The following LHX4 variants were observed in gnomAD, a reference collection of about 807,000 sequenced individuals.
The protein encoded by LHX4 is LIM homeobox 4, also known as LIM/homeobox protein Lhx4.
LHX4 carries 16 observed loss-of-function variants against 39.2 expected under a neutral mutation model. The observed-to-expected ratio is 0.41, with a 90% CI of 0.28 to 0.62. LHX4 has a LOEUF of 0.62. Among genes scored for constraint, LHX4 ranks in the 20% least tolerant of loss-of-function variants. The probability of loss-of-function intolerance (pLI) is 0.33; values close to 1 mark genes in which losing one functional copy is unlikely to be tolerated. For missense variants in LHX4, 439 were observed against 511.9 expected, an observed-to-expected ratio of 0.86 and a Z score of 1.37; for synonymous variants, 206 against 198.1, an observed-to-expected ratio of 1.04 and a Z score of -0.33.
intron 1 of LHX4, among the ~76,000 whole-genome samples, chr1:180,235,245 G>A (rs1471067925): frequency 6.6e-6 from 1 of 152,246 alleles, no homozygotes; most frequent in Non-Finnish European, 1.5e-5. Flanking sequence ...GTTCGCGCCC[G>A]TTTTCGGAGC....
At chr1:180,239,025 T>C (rs1033021472) in intron 1 of LHX4, among the ~76,000 whole-genome samples, 2 of 152,232 alleles carry the variant, frequency 1.3e-5, no homozygotes, top group Non-Finnish European at 2.9e-5. Context: ...TACTTTGAAA[T>C]GGAAAGTTTT....
chr1:180,272,144 G>A lies in LHX4; in HGVS notation c.778+138G>A. On this transcript the variant is annotated intron_variant, in intron 5 of 5. Transcript: ENST00000263726. Reference sequence around the variant, plus strand: ...CACAGGCTTTTCCTTAAGACTTGCAGTGAAGGGTGGGGGAAATGGTAGTGG... The same window carrying A: ...CACAGGCTTTTCCTTAAGACTTGCAATGAAGGGTGGGGGAAATGGTAGTGG... The A allele has an allele frequency of 6.7e-6, 5 of 743,434 alleles. No individual in the cohort carries two copies. The South Asian group carries it at 9.7e-5, about 14-fold the overall frequency. 46.1% of individuals were successfully genotyped at this position (743,434 alleles called of 1,614,324 possible).
intron 1 of LHX4, among the ~76,000 whole-genome samples, chr1:180,238,040 T>C (rs1488546320): frequency 2.0e-5 from 3 of 152,250 alleles, no homozygotes; most frequent in Non-Finnish European, 4.4e-5. Flanking sequence ...GAATACTAAT[T>C]ACGTGACAAT....
intron 2 of LHX4, among the ~76,000 whole-genome samples, chr1:180,261,577 C>T (rs992314975): frequency 2.0e-5 from 3 of 152,122 alleles, no homozygotes; most frequent in East Asian, 1.9e-4. Flanking sequence ...ACTGAGAGTT[C>T]GAGTGCAGTG....
Position 180,248,333 on chromosome 1 carries a change from T to C in LHX4, c.125T>C (p.Ile42Thr). The C allele has an allele frequency of 6.2e-7, 1 of 1,614,186 alleles. No individual in the cohort carries two copies. The highest frequency in any genetic ancestry group is 1.1e-5 in the South Asian group (1 of 91,080). The change falls in exon 2 of 6, where the codon ATC becomes ACC. Residue 42 changes from isoleucine to threonine, a missense_variant. Ile to Thr is a moderately conservative substitution (Grantham distance 89). Transcript: ENST00000263726. ...AACCAGCACATCCTGGACAAGTTCA[T>C]CCTGAAGGTCCTGGACAGACACTGG... is the stretch of plus-strand genomic sequence containing the variant. ...GCNQHILDKF[I>T]LKVLDRHWHS... is the part of the protein sequence containing the mutation.
intron 3 of LHX4, 182 bp from the exon 4 acceptor site, chr1:180,271,198 C>T (rs1648632785): frequency 8.7e-6 from 6 of 687,872 alleles, no homozygotes; most frequent in South Asian, 6.4e-5. Context: ...TGGGAAGGCC[C>T]GTGGTGCAGG....
chr1:180,229,967 G>GGGA (rs1664131148), upstream of LHX4, among the ~76,000 whole-genome samples: 1 of 126,534 alleles, frequency 7.9e-6, no homozygotes, highest in Non-Finnish European at 1.7e-5. Flanking sequence ...GGCGGGGAGG[G>GGGA]GGGGGGGGTG....
At chr1:180,248,954 C>T (rs995721808) in intron 2 of LHX4, among the ~76,000 whole-genome samples, 3 of 152,200 alleles carry the variant, frequency 2.0e-5, no homozygotes, top group African/African-American at 7.2e-5. Context: ...TTGCTTCTGG[C>T]AGGAGGCAAG....
intron 1 of LHX4, among the ~76,000 whole-genome samples, chr1:180,231,480 G>A (rs1049832754): frequency 2.0e-5 from 3 of 150,462 alleles, no homozygotes; most frequent in Non-Finnish European, 3.0e-5. Context: ...AAGGGAATCC[G>A]TCTCTGTGCT....
intron 2 of LHX4, among the ~76,000 whole-genome samples, chr1:180,261,629 T>C (rs890156299): frequency 6.6e-6 from 1 of 151,994 alleles, no homozygotes; most frequent in African/African-American, 2.4e-5. Context: ...GGCAACCGAG[T>C]GAGATCCCCT....
intron 2 of LHX4, among the ~76,000 whole-genome samples, chr1:180,250,568 C>G (rs919040703): frequency 6.6e-6 from 1 of 152,152 alleles, no homozygotes; most frequent in African/African-American, 2.4e-5. Flanking sequence ...GCTGGATGTC[C>G]GAGTCAGACC....
intron 2 of LHX4, among the ~76,000 whole-genome samples, chr1:180,264,855 C>T (rs1648250761): frequency 6.6e-6 from 1 of 152,226 alleles, no homozygotes; most frequent in South Asian, 2.1e-4. Flanking sequence ...CAGCCCCTCA[C>T]ACCCCAACAC....
chr1:180,266,622 C>T lies in LHX4; in HGVS notation c.451+28C>T, dbSNP rs777054790. ...AAGCAGCATGGCCCCGCATGGTCCCCTCTCCAGGCCTTTGTTTGGGCCACG... is the reference window on the plus strand; with the variant it reads ...AAGCAGCATGGCCCCGCATGGTCCCTTCTCCAGGCCTTTGTTTGGGCCACG... On this transcript the variant is annotated intron_variant, in intron 3 of 5. Coordinates refer to ENST00000263726, the MANE Select transcript of LHX4 (RefSeq NM_033343.4). The surrounding 1 kb of genome is among the most constrained non-coding windows in gnomAD (Gnocchi z 5.7). 1 of 1,607,026 alleles carries T rather than the reference C, an allele frequency of 6.2e-7. No individual in the cohort carries two copies. Among genetic ancestry groups the T allele is most frequent in the Non-Finnish European group, 8.5e-7 (1 of 1,175,584 alleles).
rs746558196 is a variant in LHX4 at position 180,278,411 on chromosome 1, C to G, written c.*3832C>G. 6.6e-6 allele frequency: 1 copy of G among 152,140 alleles called. No individual in the cohort carries two copies. The highest frequency in any genetic ancestry group is 1.5e-5 in the Non-Finnish European group (1 of 68,050). The allele number at this position is 152,140 out of a possible 1,614,324, so 9.4% of individuals were successfully genotyped here. A position where few individuals can be genotyped will look rare whatever the true frequency, so the allele number is the denominator to read the frequency against. On this transcript the variant is annotated 3_prime_UTR_variant, in exon 6 of 6. Transcript: ENST00000263726. Reference sequence around the variant, plus strand: ...TCCAACTGTTCTAAACAGTGAGTGACTGGAGCCAAAAAGAGAGAGCTCAGC... The same window carrying G: ...TCCAACTGTTCTAAACAGTGAGTGAGTGGAGCCAAAAAGAGAGAGCTCAGC...
At chr1:180,267,004 C>A (rs1558220904) in intron 3 of LHX4, among the ~76,000 whole-genome samples, 3 of 152,198 alleles carry the variant, frequency 2.0e-5, no homozygotes, top group Non-Finnish European at 4.4e-5. Flanking sequence ...ACATGGACCT[C>A]TCAGCAGCCC....
At chr1:180,248,217 C>A in intron 1 of LHX4, 68 bp from the exon 2 acceptor site, 2 of 1,551,416 alleles carry the variant, frequency 1.3e-6, no homozygotes, top group Non-Finnish European at 1.8e-6. Context: ...AGGCACCCGC[C>A]AGGGCCTGGC....
Position 180,266,482 on chromosome 1 carries a change from C to T in LHX4, c.339C>T (p.His113=). 6.2e-7 allele frequency: 1 copy of T among 1,614,236 alleles called. No individual in the cohort carries two copies. The highest frequency in any genetic ancestry group is 8.5e-7 in the Non-Finnish European group (1 of 1,180,016). Residue 113 remains histidine (H), a synonymous_variant, in exon 3 of 6, where the codon CAC becomes CAT. Transcript: ENST00000263726. The surrounding 1 kb of genome is among the most constrained non-coding windows in gnomAD (Gnocchi z 5.7). The part of the protein sequence containing the change: ...RKAQDFVYHL[H]CFACIICNRQ... ...CCCAGGACTTTGTCTACCACCTGCA[C>T]TGCTTTGCTTGCATCATCTGCAACC...
chr1:180,240,680 T>C (rs936117152), intron 1 of LHX4, among the ~76,000 whole-genome samples: 1 of 152,210 alleles, frequency 6.6e-6, no homozygotes, highest in African/African-American at 2.4e-5. Flanking sequence ...GAGTGGGGAA[T>C]ACAAATGCAT....
chr1:180,271,884 C>T lies in LHX4; in HGVS notation c.656C>T (p.Ala219Val), dbSNP rs1319718953. The T allele has an allele frequency of 1.2e-6, 2 of 1,613,538 alleles. No individual in the cohort carries two copies. Among genetic ancestry groups the T allele is most frequent in the African/African-American group, 1.3e-5 (1 of 74,756 alleles). Residue 219 changes from alanine to valine, a missense_variant, in exon 5 of 6, where the codon GCA becomes GTA. Ala to Val is a moderately conservative substitution (Grantham distance 64). Transcript: ENST00000263726. Reference sequence around the variant, plus strand: ...AAAGAGAAACGCCTGAAGAAGGATGCAGGGCGGCACCGCTGGGGGCAGTTC... The same window carrying T: ...AAAGAGAAACGCCTGAAGAAGGATGTAGGGCGGCACCGCTGGGGGCAGTTC... ...RAKEKRLKKD[A>V]GRHRWGQFYK...
Sources: allele counts gnomAD v4.1 joint callset (sites outside exome capture counted in the v4.1 genomes callset), GRCh38; gene constraint gnomAD v4.1.1; non-coding constraint Gnocchi (gnomAD v3.1); transcripts MANE v1.5; gene names NCBI Gene and HGNC (gene_info 2026-07-23, HGNC 2026-07-21).